Variants in CCDC169 observed in about 807,000 individuals in gnomAD.
CCDC169 encodes the protein coiled-coil domain containing 169.
In CCDC169, 30 loss-of-function variants were observed where a neutral mutation model predicts 36.0. The observed-to-expected ratio is 0.83, with a 90% CI of 0.62 to 1.13. The LOEUF (loss-of-function observed/expected upper bound fraction) is 1.13. CCDC169 is among the 50% of genes most tolerant of loss of function. The pLI is 0.00. For missense variants in CCDC169, 245 were observed against 245.9 expected, an observed-to-expected ratio of 1.00 and a Z score of 0.03; for synonymous variants, 85 against 81.5, an observed-to-expected ratio of 1.04 and a Z score of -0.23.
In CCDC169 at chr13:36,230,942, T is replaced by C; in HGVS notation, c.*251A>G. ...GGTATATTATTGAAAGCAAGTGTAA[T>C]GATGCCAGCCTTCAGATTCCCTAGG... On this transcript the variant is annotated 3_prime_UTR_variant, in exon 8 of 8. Coordinates refer to ENST00000239859, the MANE Select transcript of CCDC169 (RefSeq NM_001144981.3). The C allele has an allele frequency of 8.4e-7, 1 of 1,193,946 alleles. No homozygotes were observed. The highest frequency in any genetic ancestry group is 4.3e-5 in the East Asian group (1 of 23,294). 74.0% of individuals were successfully genotyped at this position (1,193,946 alleles called of 1,614,324 possible). A position where few individuals can be genotyped will look rare whatever the true frequency, so the allele number is the denominator to read the frequency against.
chr13:36,274,056 T>A (rs1876455436), intron 4 of CCDC169, among the ~76,000 whole-genome samples: 1 of 152,180 alleles, frequency 6.6e-6, no homozygotes, highest in African/African-American at 2.4e-5. Flanking sequence ...TTCATTCTCC[T>A]TCTCTATACC....
intron 4 of CCDC169, among the ~76,000 whole-genome samples, chr13:36,274,810 G>C (rs1170135738): frequency 1.3e-5 from 2 of 150,582 alleles, no homozygotes; most frequent in East Asian, 1.9e-4. Flanking sequence ...AGTATACTTA[G>C]GTTTTTAAAA....
At chr13:36,285,897 T>C (rs1211448287) in intron 2 of CCDC169, among the ~76,000 whole-genome samples, 3 of 152,240 alleles carry the variant, frequency 2.0e-5, no homozygotes, top group African/African-American at 4.8e-5. Flanking sequence ...GCCTTTTCCC[T>C]AGAAATTGGA....
intron 2 of CCDC169, among the ~76,000 whole-genome samples, chr13:36,286,422 A>C (rs1051034092): frequency 6.6e-6 from 1 of 152,052 alleles, no homozygotes; most frequent in Non-Finnish European, 1.5e-5. Context: ...CATTTTATGC[A>C]TTGGTTTTGT....
rs148509810 is a variant in CCDC169, at chr13:36,250,844, T to C, written c.469-2162A>G. On this transcript the variant is annotated intron_variant, in intron 6 of 7. Transcript: ENST00000239859. ...CAGGAAAAGAGAATAAGAGGCATCA[T>C]ATGATGTTTTAACAATTTTAACAAT... Among the ~76,000 whole-genome samples, 345 of 152,288 alleles carry C rather than the reference T, an allele frequency of 2.3e-3. 1 individual carries two copies. Among genetic ancestry groups the C allele is most frequent in the African/African-American group, 7.8e-3 (325 of 41,554 alleles).
intron 4 of CCDC169, among the ~76,000 whole-genome samples, chr13:36,262,321 T>C (rs1443179001): frequency 2.0e-5 from 3 of 152,190 alleles, no homozygotes; most frequent in African/African-American, 7.2e-5. Flanking sequence ...ATTTGAACTG[T>C]ACCAGCATGA....
downstream of CCDC169, among the ~76,000 whole-genome samples, chr13:36,229,452 A>G (rs1870183060): frequency 6.6e-6 from 1 of 152,042 alleles, no homozygotes; most frequent in Admixed American, 6.6e-5. Context: ...ATAACTTTAA[A>G]TGTTCCTCAA....
chr13:36,258,129 G>A (rs1457315426), intron 4 of CCDC169, among the ~76,000 whole-genome samples: 2 of 152,172 alleles, frequency 1.3e-5, no homozygotes, highest in Non-Finnish European at 2.9e-5. Flanking sequence ...TTCAGTGTTG[G>A]TGGTTTTGCT....
At chr13:36,248,213 C>T (rs926407856) in intron 7 of CCDC169, among the ~76,000 whole-genome samples, 1 of 152,048 alleles carries the variant, frequency 6.6e-6, no homozygotes, top group African/African-American at 2.4e-5. Flanking sequence ...CTAAGAAACC[C>T]CAAAATTTGT....
At chr13:36,256,783 G>T (rs1411899054) in intron 4 of CCDC169, among the ~76,000 whole-genome samples, 1 of 152,154 alleles carries the variant, frequency 6.6e-6, no homozygotes, top group East Asian at 1.9e-4. Flanking sequence ...GAACCCCTCT[G>T]GGCTGTCTCT....
downstream of CCDC169, among the ~76,000 whole-genome samples, chr13:36,229,540 G>GT (rs10665867): frequency 0.57 from 75,184 of 132,932 alleles, 23,026 homozygotes; most frequent in East Asian, 0.78. Context: ...TTATAATAAT[G>GT]TTTTTTTTTT....
downstream of CCDC169, among the ~76,000 whole-genome samples, chr13:36,229,540 G>T (rs897429535): frequency 4.7e-4 from 63 of 133,440 alleles, no homozygotes; most frequent in South Asian, 9.2e-4. Context: ...TTATAATAAT[G>T]TTTTTTTTTT....
At chr13:36,281,213 G>T (rs1395469740) in intron 4 of CCDC169, 2 of 436,076 alleles carry the variant, frequency 4.6e-6, no homozygotes, top group Admixed American at 5.1e-5. Context: ...ATTCCTGAAG[G>T]CATTATACAG....
At chr13:36,266,353 C>A (rs1349490357) in intron 4 of CCDC169, among the ~76,000 whole-genome samples, 2 of 152,046 alleles carry the variant, frequency 1.3e-5, no homozygotes, top group Non-Finnish European at 2.9e-5. Flanking sequence ...CTCTTCTAGC[C>A]CTTATTAGGG....
chr13:36,293,004 G>T (rs1555255180), intron 2 of CCDC169, among the ~76,000 whole-genome samples: 1 of 152,172 alleles, frequency 6.6e-6, no homozygotes, highest in Non-Finnish European at 1.5e-5. Flanking sequence ...GGTAGAAACA[G>T]GTAGAAGTCC....
At chr13:36,240,814 C>CTGG (rs1178435609) in intron 7 of CCDC169, 4 of 240,364 alleles carry the variant, frequency 1.7e-5, no homozygotes, top group African/African-American at 9.3e-5. Flanking sequence ...ACACCATGGG[C>CTGG]GACAGTCAAT....
intron 4 of CCDC169, among the ~76,000 whole-genome samples, chr13:36,256,554 T>C (rs1873908851): frequency 6.6e-6 from 1 of 150,958 alleles, no homozygotes; most frequent in Non-Finnish European, 1.5e-5. Flanking sequence ...TGTGGGAATA[T>C]TACAATTCAA....
chr13:36,271,888 A>G (rs1594061402), intron 4 of CCDC169, among the ~76,000 whole-genome samples: 1 of 151,666 alleles, frequency 6.6e-6, no homozygotes, highest in Non-Finnish European at 1.5e-5. Context: ...TTCGAGACCA[A>G]CCTGACCAAC....
intron 2 of CCDC169, among the ~76,000 whole-genome samples, chr13:36,291,215 T>C (rs1002137775): frequency 6.6e-6 from 1 of 152,212 alleles, no homozygotes; most frequent in Non-Finnish European, 1.5e-5. Flanking sequence ...AGCAATAAGA[T>C]ACACACTGTT....
Sources: gnomAD v4.1 joint callset for allele counts (sites outside exome capture counted in the v4.1 genomes callset) on GRCh38, gnomAD v4.1.1 for gene constraint, MANE v1.5 for transcripts, NCBI Gene and HGNC (gene_info 2026-07-23, HGNC 2026-07-21) for gene names.